Variants in SHISA6 observed in about 807,000 individuals in gnomAD.
SHISA6 encodes protein shisa-6.
Under a neutral mutation model 47.9 loss-of-function variants are expected in SHISA6, and 22 were observed. The observed-to-expected ratio is 0.46, with a 90% CI of 0.33 to 0.66. The LOEUF (loss-of-function observed/expected upper bound fraction) is 0.66. SHISA6 is among the 30% of genes least tolerant of loss of function. The pLI is 0.02. For synonymous variants in SHISA6, 388 were observed against 337.8 expected (o/e 1.15, Z -1.63); for missense variants, 680 against 764.6 (o/e 0.89, Z 1.30).
chr17:11,319,204 A>G (rs1597456061), intron 2 of SHISA6, among the ~76,000 whole-genome samples: 1 of 150,910 alleles, frequency 6.6e-6, no homozygotes, highest in African/African-American at 2.4e-5. Flanking sequence ...TCAGCCTCCC[A>G]AGTAGCTGGG....
chr17:11,321,028 A>G (rs528577045), intron 2 of SHISA6, among the ~76,000 whole-genome samples: 1 of 152,324 alleles, frequency 6.6e-6, no homozygotes, highest in Non-Finnish European at 1.5e-5. Flanking sequence ...ATACCTACTT[A>G]ATATCACATA....
intron 2 of SHISA6, among the ~76,000 whole-genome samples, chr17:11,277,480 G>A (rs946332583): frequency 6.6e-6 from 1 of 152,218 alleles, no homozygotes; most frequent in Middle Eastern, 3.4e-3. Context: ...TATTCACAGT[G>A]CCAGTGCATT....
intron 2 of SHISA6, among the ~76,000 whole-genome samples, chr17:11,339,493 G>A (rs989102599): frequency 4.6e-5 from 7 of 151,992 alleles, no homozygotes; most frequent in African/African-American, 1.7e-4. Flanking sequence ...TTTGCATATA[G>A]AATAACAAGA....
intron 3 of SHISA6, among the ~76,000 whole-genome samples, chr17:11,515,268 A>G (rs2071573957): frequency 6.7e-6 from 1 of 148,794 alleles, no homozygotes; most frequent in African/African-American, 2.5e-5. Context: ...AGAAAAAAGA[A>G]AATAGAGAAA....
intron 3 of SHISA6, among the ~76,000 whole-genome samples, chr17:11,531,211 C>CTGTGTGTGTGTG (rs58392834): frequency 1.5e-5 from 2 of 134,054 alleles, no homozygotes; most frequent in African/African-American, 2.8e-5. Flanking sequence ...GGTTACTACT[C>CTGTGTGTGTGTG]TGTGTGTGTG....
chr17:11,333,975 A>G (rs1398724577), intron 2 of SHISA6, among the ~76,000 whole-genome samples: 3 of 151,946 alleles, frequency 2.0e-5, no homozygotes, highest in Admixed American at 1.3e-4. Context: ...CGTGCTCCCC[A>G]CTCTCCATAC....
rs924966623 is a variant in SHISA6, at chr17:11,470,736, G to A, written c.896-81160G>A. On this transcript the variant is annotated intron_variant, in intron 3 of 5. Transcript: ENST00000441885. ...GGAGGGGTGGGGGTGGGGACAGAGA[G>A]TAAGTAGTCTTCTCATTTTGCCCTG... is the stretch of plus-strand genomic sequence containing the variant. Among the ~76,000 whole-genome samples, 6 of 147,388 alleles carry A rather than the reference G, an allele frequency of 4.1e-5. 1 individual carries two copies. Among genetic ancestry groups the A allele is most frequent in the Admixed American group, 3.4e-4 (5 of 14,528 alleles).
At chr17:11,368,334 G>T (rs1042780005) in intron 2 of SHISA6, among the ~76,000 whole-genome samples, 1 of 152,054 alleles carries the variant, frequency 6.6e-6, no homozygotes, top group East Asian at 1.9e-4. Flanking sequence ...CTTAATTAGC[G>T]GGTCTGTTTT....
chr17:11,246,026 G>T lies in SHISA6; in HGVS notation c.638+3966G>T, dbSNP rs1418366335. On this transcript the variant is annotated intron_variant, in intron 1 of 5. Coordinates refer to ENST00000441885, the MANE Select transcript of SHISA6 (RefSeq NM_207386.4). ...TTCCTAGGCTCCTGGGCAACAAATTGTCAAGTCACTGCGTTTTTTGAAGCA... is the reference window on the plus strand; with the variant it reads ...TTCCTAGGCTCCTGGGCAACAAATTTTCAAGTCACTGCGTTTTTTGAAGCA... 2.8e-4 allele frequency among the ~76,000 whole-genome samples: 42 copies of T among 152,176 alleles called. 1 individual carries two copies. The highest frequency in any genetic ancestry group is 2.6e-3 in the Admixed American group (39 of 15,282).
chr17:11,498,752 G>A (rs990571705), intron 3 of SHISA6, among the ~76,000 whole-genome samples: 1 of 152,174 alleles, frequency 6.6e-6, no homozygotes, highest in Non-Finnish European at 1.5e-5. Flanking sequence ...GAGCCAGAAA[G>A]ACCTGGGCTG....
chr17:11,313,839 T>G (rs1910414888), intron 2 of SHISA6, among the ~76,000 whole-genome samples: 1 of 151,954 alleles, frequency 6.6e-6, no homozygotes, highest in Admixed American at 6.6e-5. Flanking sequence ...ATGAGTAAGA[T>G]GAAGACGGAG....
intron 3 of SHISA6, among the ~76,000 whole-genome samples, chr17:11,406,139 C>G (rs1444792963): frequency 2.0e-5 from 3 of 152,194 alleles, no homozygotes; most frequent in East Asian, 1.9e-4. Context: ...TTCTCTGTCT[C>G]TCTCCTGGAG....
rs563509153 is a variant in SHISA6 at position 11,337,269 on chromosome 17, A to G, written c.800-42145A>G. ...AAGCCAGTCGTGCGATACATGAATG[A>G]GCTGATTATCGCTGTGGGCATCTGG... is the stretch of plus-strand genomic sequence containing the variant. On this transcript the variant is annotated intron_variant, in intron 2 of 5. Transcript: ENST00000441885. Among the ~76,000 whole-genome samples the G allele has an allele frequency of 5.3e-5, 8 of 152,238 alleles. No individual in the cohort carries two copies. The South Asian group carries it at 1.7e-3, about 32-fold the overall frequency.
intron 2 of SHISA6, among the ~76,000 whole-genome samples, chr17:11,269,854 C>T (rs1908574403): frequency 2.0e-5 from 3 of 152,146 alleles, no homozygotes; most frequent in Admixed American, 6.5e-5. Context: ...GCAATCGAAG[C>T]GCATCTGACA....
rs79530375 is a variant in SHISA6 at position 11,367,102 on chromosome 17, C to T, written c.800-12312C>T. On this transcript the variant is annotated intron_variant, in intron 2 of 5. Transcript: ENST00000441885. ...GCAAAGAAAGTTACTATCAGCAACT[C>T]TTTTGACATTTCATAGAGAAGGACA... Among the ~76,000 whole-genome samples the T allele has an allele frequency of 3.9e-5, 6 of 152,204 alleles. No homozygotes were observed. The East Asian group carries it at 1.2e-3, about 29-fold the overall frequency.
At chr17:11,266,875 G>C (rs1157741158) in intron 2 of SHISA6, among the ~76,000 whole-genome samples, 6 of 152,182 alleles carry the variant, frequency 3.9e-5, no homozygotes, top group Non-Finnish European at 8.8e-5. Flanking sequence ...AGGAATTTGT[G>C]GAGCTTGGTC....
At chr17:11,418,115 T>C (rs1914338448) in intron 3 of SHISA6, among the ~76,000 whole-genome samples, 1 of 152,244 alleles carries the variant, frequency 6.6e-6, no homozygotes, top group African/African-American at 2.4e-5. Flanking sequence ...GAACAGAATA[T>C]GTCAAAAGTA....
Position 11,557,891 on chromosome 17 carries a change from C to A in SHISA6, c.1243C>A (p.Arg415=). 6.4e-7 allele frequency: 1 copy of A among 1,551,594 alleles called. No homozygotes were observed. Among genetic ancestry groups the A allele is most frequent in the Non-Finnish European group, 8.7e-7 (1 of 1,147,008 alleles). Residue 415 remains arginine (R), a synonymous_variant, in exon 6 of 6, where the codon CGG becomes AGG. Coordinates refer to ENST00000441885, the MANE Select transcript of SHISA6 (RefSeq NM_207386.4). The part of the protein sequence containing the change: ...LPRERPRRPI[R]AMSQDRVLSP... ...AAGGGAACGACCCCGCCGGCCCATC[C>A]GGGCCATGTCCCAGGACAGGGTCCT...
intron 2 of SHISA6, among the ~76,000 whole-genome samples, chr17:11,336,366 G>A (rs970568341): frequency 2.6e-5 from 4 of 152,176 alleles, no homozygotes; most frequent in African/African-American, 9.6e-5. Flanking sequence ...GAGCTTAAAG[G>A]GGAACGTGGT....
Sources: gnomAD v4.1 joint callset for allele counts (sites outside exome capture counted in the v4.1 genomes callset) on GRCh38, gnomAD v4.1.1 for gene constraint, MANE v1.5 for transcripts, NCBI Gene and HGNC (gene_info 2026-07-23, HGNC 2026-07-21) for gene names.